The following NKAIN3 variants were observed in gnomAD, a reference collection of about 807,000 sequenced individuals.
NKAIN3 encodes the protein sodium/potassium-transporting ATPase subunit beta-1-interacting protein 3.
A neutral mutation model predicts 30.2 loss-of-function variants in NKAIN3; 25 were observed. The observed-to-expected ratio is 0.83, with a 90% CI of 0.60 to 1.16. NKAIN3 has a LOEUF of 1.16. Among genes scored for constraint, NKAIN3 ranks in the 50% most tolerant of loss-of-function variants. The pLI is 0.00. For synonymous variants in NKAIN3, 91 were observed against 89.6 expected, an observed-to-expected ratio of 1.02 and a Z score of -0.09; for missense variants, 225 against 254.1, an observed-to-expected ratio of 0.89 and a Z score of 0.78.
intron 1 of NKAIN3, among the ~76,000 whole-genome samples, chr8:62,478,754 A>G (rs904791923): frequency 6.6e-6 from 1 of 152,222 alleles, no homozygotes; most frequent in Non-Finnish European, 1.5e-5. Context: ...CCAGATGATC[A>G]GGGATGGAGT....
At chr8:62,670,575 G>C (rs1298957775) in intron 3 of NKAIN3, among the ~76,000 whole-genome samples, 4 of 151,750 alleles carry the variant, frequency 2.6e-5, no homozygotes, top group African/African-American at 9.7e-5. Flanking sequence ...GTTGGTTAGA[G>C]AGTAGTCTCT....
At chr8:62,292,020 T>C (rs1266472432) in intron 1 of NKAIN3, among the ~76,000 whole-genome samples, 1 of 152,226 alleles carries the variant, frequency 6.6e-6, no homozygotes, top group Non-Finnish European at 1.5e-5. Context: ...TGATCTTTGT[T>C]GGTTTAAAGT....
rs1046178079 is a variant in NKAIN3 at position 62,384,228 on chromosome 8, C to G, written c.54+135101C>G. On this transcript the variant is annotated intron_variant, in intron 1 of 6. Coordinates refer to ENST00000623646, the MANE Select transcript of NKAIN3 (RefSeq NM_001304533.3). ...TGGCATTTTAAGCAGATACTCAGAA[C>G]ACTTGATAGCAATAAGAGGTGGCCA... is the stretch of plus-strand genomic sequence containing the variant. Among the ~76,000 whole-genome samples, 20 of 152,104 alleles carry G rather than the reference C, an allele frequency of 1.3e-4. 1 individual carries two copies. The highest frequency in any genetic ancestry group is 1.2e-3 in the Admixed American group (18 of 15,262).
intron 1 of NKAIN3, among the ~76,000 whole-genome samples, chr8:62,290,470 C>G (rs1813556156): frequency 1.3e-5 from 2 of 152,140 alleles, no homozygotes; most frequent in Non-Finnish European, 2.9e-5. Flanking sequence ...TGAATTTTGT[C>G]AAAGGCCTTT....
At chr8:62,480,843 T>A (rs185574157) in intron 1 of NKAIN3, among the ~76,000 whole-genome samples, 1 of 152,144 alleles carries the variant, frequency 6.6e-6, no homozygotes, top group Admixed American at 6.5e-5. Flanking sequence ...TTTCTCAGTG[T>A]CTTAGGGAAC....
At chr8:62,296,031 G>C (rs1813817239) in intron 1 of NKAIN3, among the ~76,000 whole-genome samples, 1 of 152,174 alleles carries the variant, frequency 6.6e-6, no homozygotes, top group Non-Finnish European at 1.5e-5. Context: ...ACTGTATTGA[G>C]TTATTTCAAA....
intron 4 of NKAIN3, among the ~76,000 whole-genome samples, chr8:62,832,024 G>A (rs1819212488): frequency 6.6e-6 from 1 of 152,030 alleles, no homozygotes; most frequent in Non-Finnish European, 1.5e-5. Flanking sequence ...AGACATCTCA[G>A]TAAAAAATAT....
intron 4 of NKAIN3, among the ~76,000 whole-genome samples, chr8:62,814,702 T>A (rs1290108664): frequency 1.3e-5 from 2 of 151,802 alleles, no homozygotes; most frequent in African/African-American, 4.8e-5. Context: ...AGACACAACA[T>A]ACCAGAATCT....
At chr8:62,704,182 T>C (rs1814440427) in intron 3 of NKAIN3, among the ~76,000 whole-genome samples, 1 of 152,202 alleles carries the variant, frequency 6.6e-6, no homozygotes, top group Admixed American at 6.5e-5. Context: ...TTTCTTATTT[T>C]CATCTTTTAA....
At chr8:62,604,245 AAG>A (rs1282139416) in intron 3 of NKAIN3, among the ~76,000 whole-genome samples, 2 of 152,258 alleles carry the variant, frequency 1.3e-5, no homozygotes, top group East Asian at 3.9e-4. Context: ...AGAATTAAAA[AAG>A]AGGAAGAATC....
intron 3 of NKAIN3, among the ~76,000 whole-genome samples, chr8:62,663,497 T>G (rs184847472): frequency 5.9e-4 from 90 of 151,938 alleles, no homozygotes; most frequent in Admixed American, 2.6e-3. Flanking sequence ...TGTCCAAGAG[T>G]TTTCCACTAG....
At chr8:62,772,202 G>A (rs1031803746) in intron 4 of NKAIN3, among the ~76,000 whole-genome samples, 4 of 152,268 alleles carry the variant, frequency 2.6e-5, no homozygotes, top group South Asian at 4.2e-4. Flanking sequence ...TTAACATGAT[G>A]ATTTCAGGTT....
chr8:62,595,255 G>A (rs968268210), intron 3 of NKAIN3, among the ~76,000 whole-genome samples: 3 of 151,786 alleles, frequency 2.0e-5, no homozygotes, highest in Non-Finnish European at 2.9e-5. Context: ...GATGTTAAAC[G>A]CTTCTGATAC....
intron 5 of NKAIN3, among the ~76,000 whole-genome samples, chr8:62,938,562 T>C (rs1166251924): frequency 6.6e-6 from 1 of 151,420 alleles, no homozygotes; most frequent in East Asian, 1.9e-4. Context: ...CTGAAGACAG[T>C]TCACACCATA....
chr8:62,704,126 G>C (rs1814438723), intron 3 of NKAIN3, among the ~76,000 whole-genome samples: 1 of 151,774 alleles, frequency 6.6e-6, no homozygotes, highest in Non-Finnish European at 1.5e-5. Flanking sequence ...ATCCATATTT[G>C]GTTACCCATC....
intron 4 of NKAIN3, among the ~76,000 whole-genome samples, chr8:62,760,026 T>G (rs1202480609): frequency 6.6e-6 from 1 of 150,516 alleles, no homozygotes; most frequent in Non-Finnish European, 1.5e-5. Context: ...CATGAAAGAA[T>G]GCTCATCATC....
intron 1 of NKAIN3, among the ~76,000 whole-genome samples, chr8:62,352,700 G>T (rs1329048438): frequency 6.6e-6 from 1 of 152,112 alleles, no homozygotes; most frequent in Non-Finnish European, 1.5e-5. Context: ...CACATTGTTT[G>T]AACCTTAACT....
chr8:62,770,721 T>C (rs1816982097), intron 4 of NKAIN3, among the ~76,000 whole-genome samples: 1 of 151,658 alleles, frequency 6.6e-6, no homozygotes, highest in East Asian at 1.9e-4. Flanking sequence ...CACTAAGTTA[T>C]GCAGACTTAT....
rs146464331 is a variant in NKAIN3, at chr8:62,434,380, A to C, written c.55-145159A>C. Among the ~76,000 whole-genome samples the C allele has an allele frequency of 2.5e-3, 387 of 152,262 alleles. 19 individuals carry two copies. The East Asian group carries it at 0.069, about 27-fold the overall frequency. On this transcript the variant is annotated intron_variant, in intron 1 of 6. Coordinates refer to ENST00000623646, the MANE Select transcript of NKAIN3 (RefSeq NM_001304533.3). ...CAATTCCTGGATGCAGTGGCATTGC[A>C]GGAGGCAGAAATATGATTGCAAGGC...
Sources: allele counts gnomAD v4.1 joint callset (sites outside exome capture counted in the v4.1 genomes callset), GRCh38; gene constraint gnomAD v4.1.1; transcripts MANE v1.5; gene names NCBI Gene and HGNC (gene_info 2026-07-23, HGNC 2026-07-21).